KCNN2: variants seen among roughly 807,000 people sequenced by gnomAD.
The protein encoded by KCNN2 is small conductance calcium-activated potassium channel protein 2.
A neutral mutation model predicts 55.5 loss-of-function variants in KCNN2; 24 were observed. That is an observed-to-expected ratio of 0.43 (90% CI 0.31 to 0.61). KCNN2 has a LOEUF of 0.61. Ranked by LOEUF, KCNN2 falls within the 20% of genes least tolerant of loss-of-function variation. The pLI, the probability that KCNN2 is intolerant of heterozygous loss-of-function variation, is 0.08. For missense variants in KCNN2, 754 were observed against 853.6 expected (o/e 0.88, Z 1.45); for synonymous variants, 431 against 336.1 (o/e 1.28, Z -3.09).
intron 1 of KCNN2, among the ~76,000 whole-genome samples, chr5:114,206,042 T>A (rs1054625509): frequency 2.6e-5 from 4 of 152,206 alleles, no homozygotes; most frequent in African/African-American, 9.6e-5. Flanking sequence ...TAAAAATTGA[T>A]GTAGTTCTAA....
chr5:114,352,572 T>G (rs949503107), intron 2 of KCNN2, among the ~76,000 whole-genome samples: 10 of 151,632 alleles, frequency 6.6e-5, no homozygotes, highest in African/African-American at 2.4e-4. Flanking sequence ...GGCTAAGAAT[T>G]TCCCTCTATG....
chr5:114,082,292 C>G (rs1194549077), intron 1 of KCNN2, among the ~76,000 whole-genome samples: 1 of 151,312 alleles, frequency 6.6e-6, no homozygotes, highest in South Asian at 2.1e-4. Context: ...CCACTACACT[C>G]CAGCCTGGGT....
At chr5:114,288,939 A>G (rs981458347) in intron 2 of KCNN2, among the ~76,000 whole-genome samples, 1 of 152,110 alleles carries the variant, frequency 6.6e-6, no homozygotes, top group African/African-American at 2.4e-5. Context: ...GCCAAAACCC[A>G]GATTTAACCC....
rs670277 is a variant in KCNN2 at position 114,315,469 on chromosome 5, A to G, written c.-184-45476A>G. Reference sequence around the variant, plus strand: ...TGTGTGTGTGTGTGTGTGTGTGTATATATATATAAAACTTCTGTTTTAAAA... The same window carrying G: ...TGTGTGTGTGTGTGTGTGTGTGTATGTATATATAAAACTTCTGTTTTAAAA... On this transcript the variant is annotated intron_variant, in intron 2 of 10. Coordinates refer to the KCNN2 transcript ENST00000512097. 8.7e-3 allele frequency among the ~76,000 whole-genome samples: 646 copies of G among 74,328 alleles called. 6 individuals are homozygous for G. Among genetic ancestry groups the G allele is most frequent in the Admixed American group, 0.062 (474 of 7,678 alleles). 48.8% of individuals were successfully genotyped at this position (74,328 alleles called of 152,430 possible).
At chr5:114,161,668 T>C (rs1379764799) in intron 1 of KCNN2, among the ~76,000 whole-genome samples, 2 of 152,222 alleles carry the variant, frequency 1.3e-5, no homozygotes, top group African/African-American at 4.8e-5. Flanking sequence ...TCTTTTCACA[T>C]AGTCCCATAT....
At chr5:114,327,011 G>A (rs1168899609) in intron 2 of KCNN2, among the ~76,000 whole-genome samples, 7 of 152,194 alleles carry the variant, frequency 4.6e-5, no homozygotes, top group Admixed American at 3.3e-4. Context: ...GATTAAAGGT[G>A]CTGTGAACAA....
chr5:114,132,609 T>C (rs1256962716), intron 1 of KCNN2, among the ~76,000 whole-genome samples: 1 of 152,226 alleles, frequency 6.6e-6, no homozygotes, highest in Non-Finnish European at 1.5e-5. Flanking sequence ...ATCTTGGTTT[T>C]TAAAGAAGCA....
chr5:114,100,400 G>A (rs1437255933), intron 1 of KCNN2, among the ~76,000 whole-genome samples: 1 of 152,108 alleles, frequency 6.6e-6, no homozygotes, highest in East Asian at 1.9e-4. Context: ...TAGTATTGCT[G>A]GGTATGGGTG....
chr5:114,064,481 T>A (rs77752824), intron 1 of KCNN2, among the ~76,000 whole-genome samples: 2,969 of 152,308 alleles, frequency 0.019, 45 homozygotes, highest in Non-Finnish European at 0.029. Context: ...AGAGCCACCA[T>A]GTGAGACAGC....
intron 6 of KCNN2, among the ~76,000 whole-genome samples, chr5:114,490,082 TC>T (rs1242220612): frequency 2.0e-5 from 3 of 152,210 alleles, no homozygotes; most frequent in Non-Finnish European, 2.9e-5. Flanking sequence ...TCACTTAGTG[TC>T]GTGAAGTGTT....
chr5:114,290,741 G>A (rs1423406579), intron 2 of KCNN2, among the ~76,000 whole-genome samples: 1 of 152,048 alleles, frequency 6.6e-6, no homozygotes, highest in Non-Finnish European at 1.5e-5. Context: ...ATTTACCTCT[G>A]AACACCGCTT....
At chr5:114,202,292 C>G (rs1228485639) in intron 1 of KCNN2, among the ~76,000 whole-genome samples, 1 of 151,998 alleles carries the variant, frequency 6.6e-6, no homozygotes, top group African/African-American at 2.4e-5. Flanking sequence ...GAGGGTTTCT[C>G]TCACAGCCGA....
chr5:114,108,882 C>G (rs982580849), intron 1 of KCNN2, among the ~76,000 whole-genome samples: 1 of 152,026 alleles, frequency 6.6e-6, no homozygotes, highest in African/African-American at 2.4e-5. Context: ...CTTGGGTAAA[C>G]AGAAGTGGAA....
At chr5:114,103,231 CTCTG>C (rs1364150190) in intron 1 of KCNN2, among the ~76,000 whole-genome samples, 2 of 151,988 alleles carry the variant, frequency 1.3e-5, no homozygotes, top group Non-Finnish European at 2.9e-5. Context: ...TGATTTGGTT[CTCTG>C]TCTGTTATTC....
intron 1 of KCNN2, among the ~76,000 whole-genome samples, chr5:114,167,126 C>T (rs1223826289): frequency 6.6e-6 from 1 of 152,158 alleles, no homozygotes; most frequent in Non-Finnish European, 1.5e-5. Context: ...CAGTACCACT[C>T]TCCAGATATG....
At chr5:114,303,024 G>A (rs901561153) in intron 2 of KCNN2, among the ~76,000 whole-genome samples, 1 of 152,294 alleles carries the variant, frequency 6.6e-6, no homozygotes, top group South Asian at 2.1e-4. Flanking sequence ...AGTAAACTTC[G>A]ATATACGTCG....
At chr5:114,285,382 A>G (rs1755721924) in intron 2 of KCNN2, among the ~76,000 whole-genome samples, 1 of 151,942 alleles carries the variant, frequency 6.6e-6, no homozygotes, top group Non-Finnish European at 1.5e-5. Context: ...GGAGGAAAGA[A>G]TGAGTGCAGT....
chr5:114,462,094 A>C (rs969532088), intron 3 of KCNN2, among the ~76,000 whole-genome samples: 8 of 152,206 alleles, frequency 5.3e-5, no homozygotes, highest in African/African-American at 1.9e-4. Flanking sequence ...CTGCCCCATG[A>C]CCACACAGAA....
intron 2 of KCNN2, among the ~76,000 whole-genome samples, chr5:114,378,084 C>G (rs774489195): frequency 2.4e-4 from 37 of 152,222 alleles, no homozygotes; most frequent in Non-Finnish European, 4.4e-4. Context: ...GCAGAGAAGG[C>G]AAATATTTGC....
Sources: allele counts gnomAD v4.1 joint callset (sites outside exome capture counted in the v4.1 genomes callset), GRCh38; gene constraint gnomAD v4.1.1; transcripts MANE v1.5; gene names NCBI Gene and HGNC (gene_info 2026-07-23, HGNC 2026-07-21).